OPCML: variants seen among roughly 807,000 people sequenced by gnomAD.
OPCML encodes opioid-binding protein/cell adhesion molecule.
Under a neutral mutation model 37.8 loss-of-function variants are expected in OPCML, and 13 were observed. The ratio of observed to expected loss-of-function variants is 0.34; its 90% CI spans 0.22 to 0.55. OPCML has a LOEUF of 0.55. Ranked by LOEUF, OPCML falls within the 20% of genes least tolerant of loss-of-function variation. OPCML has a pLI of 0.91. For missense variants in OPCML, 341 were observed against 435.6 expected (o/e 0.78, Z 1.93); for synonymous variants, 176 against 168.8 (o/e 1.04, Z -0.33).
At chr11:133,341,775 C>T (rs774414502) in intron 1 of OPCML, among the ~76,000 whole-genome samples, 6 of 151,998 alleles carry the variant, frequency 3.9e-5, no homozygotes, top group Non-Finnish European at 8.8e-5. Flanking sequence ...AAAAATTAGC[C>T]GGGCTTAGTG....
intron 1 of OPCML, among the ~76,000 whole-genome samples, chr11:133,191,986 C>T (rs1938342110): frequency 6.6e-6 from 1 of 152,152 alleles, no homozygotes; most frequent in African/African-American, 2.4e-5. Context: ...GAACTGTCTG[C>T]TGTTTTTAGT....
chr11:133,149,787 C>T (rs1383511045), intron 1 of OPCML, among the ~76,000 whole-genome samples: 13 of 152,240 alleles, frequency 8.5e-5, no homozygotes, highest in South Asian at 8.3e-4. Flanking sequence ...AGTAATCCTT[C>T]ATTCTCAACA....
chr11:132,706,635 C>A (rs1008490534), intron 2 of OPCML, among the ~76,000 whole-genome samples: 2 of 152,108 alleles, frequency 1.3e-5, no homozygotes, highest in Non-Finnish European at 2.9e-5. Context: ...ATTATGCGAG[C>A]CTCTCCTCTA....
At chr11:132,809,778 C>A (rs540419616) in intron 2 of OPCML, among the ~76,000 whole-genome samples, 1 of 152,190 alleles carries the variant, frequency 6.6e-6, no homozygotes, top group East Asian at 1.9e-4. Flanking sequence ...TGTGGCTTGG[C>A]CAAGACGCCA....
intron 1 of OPCML, among the ~76,000 whole-genome samples, chr11:133,028,405 C>T (rs182327386): frequency 2.0e-5 from 3 of 152,178 alleles, no homozygotes; most frequent in African/African-American, 4.8e-5. Flanking sequence ...GGAAACTTTC[C>T]GAGATAATTA....
intron 2 of OPCML, among the ~76,000 whole-genome samples, chr11:132,799,049 T>G (rs550647307): frequency 5.9e-5 from 9 of 152,278 alleles, no homozygotes; most frequent in African/African-American, 2.2e-4. Flanking sequence ...CCTAGGACTT[T>G]CAGAATGACA....
intron 1 of OPCML, among the ~76,000 whole-genome samples, chr11:133,035,691 T>C (rs561921408): frequency 6.6e-6 from 1 of 152,296 alleles, no homozygotes; most frequent in Admixed American, 6.5e-5. Context: ...AGAATGTAAC[T>C]GTATTTGGAG....
chr11:132,427,312 G>C (rs1439988849), intron 7 of OPCML, among the ~76,000 whole-genome samples: 1 of 152,150 alleles, frequency 6.6e-6, no homozygotes, highest in Non-Finnish European at 1.5e-5. Flanking sequence ...GGAACCAAGA[G>C]GATAATGATG....
intron 3 of OPCML, among the ~76,000 whole-genome samples, chr11:132,635,532 G>GA (rs1303634977): frequency 0.031 from 2,841 of 92,458 alleles, 47 homozygotes; most frequent in African/African-American, 0.05. Context: ...TTTATTCAAG[G>GA]AAAAAAAAAA....
At chr11:133,010,909 T>C (rs978188445) in intron 1 of OPCML, among the ~76,000 whole-genome samples, 1 of 152,142 alleles carries the variant, frequency 6.6e-6, no homozygotes, top group Non-Finnish European at 1.5e-5. Flanking sequence ...CAACAGGGAA[T>C]TTATTTGTGT....
intron 1 of OPCML, among the ~76,000 whole-genome samples, chr11:133,321,092 C>T (rs912677352): frequency 3.3e-5 from 5 of 151,942 alleles, no homozygotes; most frequent in Non-Finnish European, 7.4e-5. Flanking sequence ...GACTGGTGAC[C>T]AGAACTTGGG....
chr11:133,240,887 CG>C (rs1409383664), intron 1 of OPCML, among the ~76,000 whole-genome samples: 1 of 152,208 alleles, frequency 6.6e-6, no homozygotes, highest in Non-Finnish European at 1.5e-5. Flanking sequence ...AGTCAGCACC[CG>C]TGCATCTTTT....
In OPCML at chr11:132,602,580, C is replaced by A. The variant is rs144218973; in HGVS notation, c.379+54507G>T. Among the ~76,000 whole-genome samples, 76 of 152,260 alleles carry A rather than the reference C, an allele frequency of 5.0e-4. 1 individual carries two copies. Among genetic ancestry groups the A allele is most frequent in the African/African-American group, 1.6e-3 (66 of 41,564 alleles). ...CAGCAGTTGTCCAAGAGAGCCCTGG[C>A]GACACCTTCCTACTCCTTTGCGTGG... On this transcript the variant is annotated intron_variant, in intron 3 of 7. Coordinates refer to ENST00000524381, the MANE Select transcript of OPCML (RefSeq NM_001012393.5).
At chr11:132,622,513 G>T (rs1322014525) in intron 3 of OPCML, among the ~76,000 whole-genome samples, 1 of 152,204 alleles carries the variant, frequency 6.6e-6, no homozygotes, top group African/African-American at 2.4e-5. Context: ...GAAAAACATG[G>T]CTGTGCTAGG....
At chr11:133,257,117 G>C (rs1941336498) in intron 1 of OPCML, among the ~76,000 whole-genome samples, 1 of 152,110 alleles carries the variant, frequency 6.6e-6, no homozygotes, top group Non-Finnish European at 1.5e-5. Flanking sequence ...CCCTACCTCG[G>C]TCCACTCCAG....
intron 1 of OPCML, among the ~76,000 whole-genome samples, chr11:132,944,797 C>T (rs766033317): frequency 1.4e-4 from 22 of 152,216 alleles, no homozygotes; most frequent in Admixed American, 3.9e-4. Context: ...AGGCCCTCTC[C>T]GCTCCCCTGG....
chr11:133,059,530 G>A (rs1286754737), intron 1 of OPCML, among the ~76,000 whole-genome samples: 5 of 152,196 alleles, frequency 3.3e-5, no homozygotes, highest in African/African-American at 1.2e-4. Flanking sequence ...ACCTCCGCAC[G>A]CTTGCAGGGA....
At chr11:133,492,237 C>A (rs75763769) in intron 1 of OPCML, among the ~76,000 whole-genome samples, 3,401 of 152,260 alleles carry the variant, frequency 0.022, 129 homozygotes, top group African/African-American at 0.077. Flanking sequence ...TAGGAATCAA[C>A]CTGCCTCCCC....
chr11:133,279,100 G>A (rs571809989), intron 1 of OPCML, among the ~76,000 whole-genome samples: 2 of 152,300 alleles, frequency 1.3e-5, no homozygotes, highest in South Asian at 4.1e-4. Flanking sequence ...CTAATAGGAA[G>A]AACTGACAAT....
Sources: gnomAD v4.1 joint callset for allele counts (sites outside exome capture counted in the v4.1 genomes callset) on GRCh38, gnomAD v4.1.1 for gene constraint, MANE v1.5 for transcripts, NCBI Gene and HGNC (gene_info 2026-07-23, HGNC 2026-07-21) for gene names.